The following PREX1 variants were observed in gnomAD, a reference collection of about 807,000 sequenced individuals.
PREX1 encodes the protein phosphatidylinositol 3,4,5-trisphosphate-dependent Rac exchanger 1 protein.
In PREX1, 41 loss-of-function variants were observed where a neutral mutation model predicts 198.3. The ratio of observed to expected loss-of-function variants is 0.21; its 90% confidence interval spans 0.16 to 0.27. The LOEUF (loss-of-function observed/expected upper bound fraction) is 0.27. PREX1 is among the 10% of genes least tolerant of loss of function. The pLI is 1.00. For synonymous variants in PREX1, 843 were observed against 887.2 expected (o/e 0.95, Z 0.89); for missense variants, 1,620 against 2,200.7 (o/e 0.74, Z 5.28).
chr20:48,738,446 A>G (rs1201991085), intron 3 of PREX1, among the ~76,000 whole-genome samples: 4 of 152,208 alleles, frequency 2.6e-5, no homozygotes, highest in Non-Finnish European at 5.9e-5. Flanking sequence ...TCCCCTCTGC[A>G]GCACCGTGCC....
chr20:48,629,074 G>T (rs994084666), intron 37 of PREX1, among the ~76,000 whole-genome samples: 5 of 152,150 alleles, frequency 3.3e-5, no homozygotes, highest in African/African-American at 9.7e-5. Flanking sequence ...TCCTCCCTGG[G>T]ATGAGCACTG....
At chr20:48,763,149 C>G (rs1319110310) in intron 1 of PREX1, among the ~76,000 whole-genome samples, 1 of 152,170 alleles carries the variant, frequency 6.6e-6, no homozygotes, top group Non-Finnish European at 1.5e-5. Context: ...CACTATTACA[C>G]CAAAAGAAGA....
chr20:48,763,342 T>A (rs2090192540), intron 1 of PREX1, among the ~76,000 whole-genome samples: 1 of 152,186 alleles, frequency 6.6e-6, no homozygotes, highest in Non-Finnish European at 1.5e-5. Context: ...CAGTGGTGGC[T>A]GGGAACAGGC....
chr20:48,797,923 T>C (rs529990722), intron 1 of PREX1, among the ~76,000 whole-genome samples: 2 of 152,356 alleles, frequency 1.3e-5, no homozygotes, highest in East Asian at 3.9e-4. Context: ...TGACTTTCCC[T>C]AAGCTGCCTT....
At chr20:48,878,948 G>A in the PREX1 span, among the ~76,000 whole-genome samples, 1 of 152,252 alleles carries the variant, frequency 6.6e-6, no homozygotes, top group African/African-American at 2.4e-5. Flanking sequence ...ACCCGCTGGA[G>A]AGAAAACTCA....
chr20:48,662,243 T>C (rs917565116), intron 15 of PREX1, among the ~76,000 whole-genome samples: 1 of 152,200 alleles, frequency 6.6e-6, no homozygotes, highest in African/African-American at 2.4e-5. Context: ...GACTCCACTA[T>C]AAACATTAAG....
chr20:48,777,641 C>T (rs1284354248), intron 1 of PREX1, among the ~76,000 whole-genome samples: 1 of 152,174 alleles, frequency 6.6e-6, no homozygotes, highest in East Asian at 1.9e-4. Context: ...GATATAAAGA[C>T]CAAGGCCTGA....
the PREX1 span, among the ~76,000 whole-genome samples, chr20:48,862,794 T>TATAC: frequency 3.4e-5 from 3 of 88,670 alleles, no homozygotes; most frequent in Non-Finnish European, 7.6e-5. Context: ...AAAAAAAATA[T>TATAC]ATATATATAT....
Position 48,627,962 on chromosome 20 carries a change from T to C in PREX1, c.4768A>G (p.Ser1590Gly), listed in dbSNP as rs2089286110. The C allele has an allele frequency of 5.3e-6, 8 of 1,509,602 alleles. No individual in the cohort carries two copies. The highest frequency in any genetic ancestry group is 6.3e-6 in the Non-Finnish European group (7 of 1,114,304). 93.5% of individuals were successfully genotyped at this position (1,509,602 alleles called of 1,614,324 possible). The change falls in exon 38 of 40, where the codon AGC (serine) becomes GGC (glycine). Residue 1590 changes from serine to glycine, a missense_variant and splice_region_variant. By Grantham distance (56) the Ser-to-Gly change is moderately conservative. Around this residue, in one of 7 missense-constraint regions of PREX1, gnomAD observed 476 missense variants for 603.4 expected, o/e 0.79. Transcript: ENST00000371941. The part of the protein sequence containing the change: ...MVMCGTGMQR[S>G]TLSVSLEQAA... Reference sequence around the variant, plus strand: ...TGCTCCAGGGACACGCTCAGGGTGCTCCTGCAGCAGGGGAGGGAGGACAGC... The same window carrying C: ...TGCTCCAGGGACACGCTCAGGGTGCCCCTGCAGCAGGGGAGGGAGGACAGC...
chr20:48,653,303 G>A (rs2089515064), intron 20 of PREX1, 58 bp downstream of exon 20: 1 of 1,589,144 alleles, frequency 6.3e-7, no homozygotes, highest in African/African-American at 1.3e-5. Flanking sequence ...ACAGCCCTCA[G>A]CCACCCACCC....
At chr20:48,627,998 TGGGG>T (rs11477906) in intron 37 of PREX1, 35 bp from the exon 38 acceptor site, 19 of 950,502 alleles carry the variant, frequency 2.0e-5, no homozygotes, top group Non-Finnish European at 3.0e-5. Flanking sequence ...GGGTTGGCGG[TGGGG>T]GGACAGGGGT....
At chr20:48,725,180 T>C (rs2090004176) in intron 5 of PREX1, among the ~76,000 whole-genome samples, 1 of 152,130 alleles carries the variant, frequency 6.6e-6, no homozygotes, top group Non-Finnish European at 1.5e-5. Flanking sequence ...TGCTTCCAGT[T>C]CATGGAGCAA....
At chr20:48,737,917 A>G (rs1247950422) in intron 3 of PREX1, among the ~76,000 whole-genome samples, 1 of 151,870 alleles carries the variant, frequency 6.6e-6, no homozygotes, top group African/African-American at 2.4e-5. Context: ...GCCAACCTAC[A>G]CTCCTGAACA....
rs73609686 is a variant in PREX1, at chr20:48,746,315, G to A, written c.292-1168C>T. 0.026 allele frequency among the ~76,000 whole-genome samples: 3,895 copies of A among 152,286 alleles called. 320 individuals carry two copies. In the East Asian group the frequency reaches 0.28, roughly 11 times the overall value. ...TAGGATTACAGGCGTGAGCCACCTC[G>A]CCTGGCCCTCATGATTGTATGTTTT... On this transcript the variant is annotated intron_variant, in intron 2 of 39. Coordinates refer to ENST00000371941, the MANE Select transcript of PREX1 (RefSeq NM_020820.4).
At chr20:48,735,427 G>A (rs932844020) in intron 3 of PREX1, among the ~76,000 whole-genome samples, 2 of 152,168 alleles carry the variant, frequency 1.3e-5, no homozygotes, top group African/African-American at 4.8e-5. Context: ...ATGGGAGGCT[G>A]CAGGAAATAG....
At chr20:48,627,696 C>T in intron 38 of PREX1, 81 bp from the exon 39 acceptor site, 1 of 1,494,920 alleles carries the variant, frequency 6.7e-7, no homozygotes, top group Non-Finnish European at 9.3e-7. Flanking sequence ...GGGGTGGGGC[C>T]CAGAAGCCCA....
Position 48,681,107 on chromosome 20 carries a change from C to T in PREX1, c.1435+128G>A, listed in dbSNP as rs147185905. ...AGGGCATCCATGTTCCTGCGGGCCA[C>T]ACTGTGCCCAGAAAACACGGCGGCT... On this transcript the variant is annotated intron_variant, in intron 11 of 39. Coordinates refer to ENST00000371941, the MANE Select transcript of PREX1 (RefSeq NM_020820.4). 2,615 of 820,732 alleles carry T rather than the reference C, an allele frequency of 3.2e-3. 13 individuals are homozygous for T. Among genetic ancestry groups the T allele is most frequent in the Middle Eastern group, 0.017 (46 of 2,760 alleles). The allele number at this position is 820,732 out of a possible 1,614,324, so 50.8% of individuals were successfully genotyped here. A position where few individuals can be genotyped will look rare whatever the true frequency, so the allele number is the denominator to read the frequency against.
chr20:48,747,737 C>A (rs968401879), intron 2 of PREX1, 72 bp downstream of exon 2: 3 of 1,478,950 alleles, frequency 2.0e-6, no homozygotes, highest in Non-Finnish European at 2.8e-6. Context: ...ACCCTCTGAG[C>A]ATCGCACGGG....
intron 30 of PREX1, among the ~76,000 whole-genome samples, chr20:48,638,799 G>A (rs1360771081): frequency 6.6e-6 from 1 of 152,190 alleles, no homozygotes; most frequent in Non-Finnish European, 1.5e-5. Context: ...GCAGCACTGT[G>A]GGCCCATTTG....
Sources: allele counts gnomAD v4.1 joint callset (sites outside exome capture counted in the v4.1 genomes callset), GRCh38; gene constraint gnomAD v4.1.1; regional missense constraint gnomAD v4.1.1; transcripts MANE v1.5; gene names NCBI Gene and HGNC (gene_info 2026-07-23, HGNC 2026-07-21).